Variants in CYP4X1 observed in about 807,000 individuals in gnomAD.
The protein encoded by CYP4X1 is cytochrome P450 4X1.
A neutral mutation model predicts 57.9 loss-of-function variants in CYP4X1; 44 were observed. The ratio of observed to expected loss-of-function variants is 0.76; its 90% CI spans 0.60 to 0.98. The LOEUF (loss-of-function observed/expected upper bound fraction) is 0.98, where lower values mean the gene tolerates loss of function less well. Ranked by LOEUF, CYP4X1 falls within the 50% of genes least tolerant of loss-of-function variation. The pLI is 0.00. For synonymous variants in CYP4X1, 227 were observed against 228.6 expected, an observed-to-expected ratio of 0.99 and a Z score of 0.06; for missense variants, 532 against 623.9, an observed-to-expected ratio of 0.85 and a Z score of 1.57.
downstream of CYP4X1, among the ~76,000 whole-genome samples, chr1:47,051,435 A>G (rs187777288): frequency 5.1e-4 from 78 of 151,774 alleles, no homozygotes; most frequent in African/African-American, 1.9e-3. Flanking sequence ...TCTATGTGGT[A>G]TCTTCCATAA....
the CYP4X1 span, among the ~76,000 whole-genome samples, chr1:46,964,664 C>A: frequency 6.6e-6 from 1 of 152,182 alleles, no homozygotes; most frequent in Non-Finnish European, 1.5e-5. Flanking sequence ...GGGGTGCCTC[C>A]CAGTTAGGCT....
At chr1:47,028,799 G>C (rs181408775) in intron 1 of CYP4X1, among the ~76,000 whole-genome samples, 13 of 152,182 alleles carry the variant, frequency 8.5e-5, no homozygotes. Context: ...CTACCACCTG[G>C]TACGTGTGAT....
the CYP4X1 span, among the ~76,000 whole-genome samples, chr1:46,962,192 C>A: frequency 1.3e-5 from 2 of 152,124 alleles, no homozygotes; most frequent in Non-Finnish European, 2.9e-5. Context: ...TGATAGCTCA[C>A]TGCAGCCTCC....
the CYP4X1 span, among the ~76,000 whole-genome samples, chr1:46,976,234 A>T: frequency 6.6e-6 from 1 of 152,180 alleles, no homozygotes; most frequent in Non-Finnish European, 1.5e-5. Flanking sequence ...AAATTGGGAC[A>T]CTGCCACCTA....
the CYP4X1 span, among the ~76,000 whole-genome samples, chr1:46,981,069 C>G: frequency 2.0e-5 from 3 of 152,120 alleles, no homozygotes; most frequent in East Asian, 5.8e-4. Context: ...AACATAGGCA[C>G]GGGTAAGGAC....
At chr1:47,032,488 A>G (rs1644135289) in intron 3 of CYP4X1, among the ~76,000 whole-genome samples, 1 of 152,296 alleles carries the variant, frequency 6.6e-6, no homozygotes, top group African/African-American at 2.4e-5. Context: ...AATGGCCACC[A>G]TTGTATGAGT....
At chr1:47,013,760 T>A in the CYP4X1 span, among the ~76,000 whole-genome samples, 1 of 109,624 alleles carries the variant, frequency 9.1e-6, no homozygotes, top group Non-Finnish European at 2.0e-5. Flanking sequence ...CAATATACTC[T>A]TTTTTTTTTT....
the CYP4X1 span, among the ~76,000 whole-genome samples, chr1:46,980,713 T>C: frequency 6.6e-6 from 1 of 152,204 alleles, no homozygotes; most frequent in Non-Finnish European, 1.5e-5. Flanking sequence ...GACATCATAC[T>C]ACCTGACTTC....
chr1:46,990,898 T>TG, the CYP4X1 span, among the ~76,000 whole-genome samples: 1 of 151,062 alleles, frequency 6.6e-6, no homozygotes, highest in Non-Finnish European at 1.5e-5. Context: ...TGGGGCCTGT[T>TG]GGGGGCGGGG....
the CYP4X1 span, among the ~76,000 whole-genome samples, chr1:47,004,895 G>A: frequency 6.6e-6 from 1 of 152,090 alleles, no homozygotes; most frequent in Non-Finnish European, 1.5e-5. Context: ...ACTGGCTAAG[G>A]ACAAAAGAAA....
At chr1:46,990,420 A>G in the CYP4X1 span, among the ~76,000 whole-genome samples, 1 of 152,198 alleles carries the variant, frequency 6.6e-6, no homozygotes, top group South Asian at 2.1e-4. Flanking sequence ...GAGACGATGC[A>G]GAGAAATAGG....
chr1:46,994,265 G>A, the CYP4X1 span: 4 of 152,046 alleles, frequency 2.6e-5, no homozygotes, highest in Non-Finnish European at 5.9e-5. Flanking sequence ...ATTTCTGAGG[G>A]CTCTATTCTG....
the CYP4X1 span, among the ~76,000 whole-genome samples, chr1:47,015,477 A>T: frequency 6.6e-6 from 1 of 152,232 alleles, no homozygotes; most frequent in South Asian, 2.1e-4. Context: ...GTTATCCAGC[A>T]TTAGAGATAC....
At chr1:47,035,162 A>G (rs1195448848) in intron 4 of CYP4X1, among the ~76,000 whole-genome samples, 2 of 151,786 alleles carry the variant, frequency 1.3e-5, no homozygotes, top group African/African-American at 4.8e-5. Flanking sequence ...ATTTTTACAC[A>G]AAGTATGCTT....
intron 2 of CYP4X1, 104 bp from the exon 3 acceptor site, chr1:47,031,332 C>T (rs955375149): frequency 1.0e-5 from 14 of 1,371,156 alleles, no homozygotes; most frequent in Non-Finnish European, 1.4e-5. Flanking sequence ...CTTTTTCTCA[C>T]TTTTTGTGGT....
chr1:46,987,170 A>G, the CYP4X1 span, among the ~76,000 whole-genome samples: 3 of 152,188 alleles, frequency 2.0e-5, no homozygotes, highest in Admixed American at 6.5e-5. Context: ...CAAAATAAAT[A>G]AAGGGATGGA....
downstream of CYP4X1, among the ~76,000 whole-genome samples, chr1:47,054,153 C>A (rs1250061129): frequency 6.6e-6 from 1 of 151,348 alleles, no homozygotes; most frequent in Non-Finnish European, 1.5e-5. Flanking sequence ...CCAGTTTTCC[C>A]AGCACCGTTT....
rs1297686881 is a variant in CYP4X1, at chr1:47,046,449, C to T, written c.1074-18C>T. On this transcript the variant is annotated intron_variant, in intron 8 of 11. Coordinates refer to ENST00000371901, the MANE Select transcript of CYP4X1 (RefSeq NM_178033.2). ...CTGGTTATGATATCTGAGTCCCTTCCCTCCCTCATCCTCACAGGGACCAGC... is the reference window on the plus strand; with the variant it reads ...CTGGTTATGATATCTGAGTCCCTTCTCTCCCTCATCCTCACAGGGACCAGC... The T allele has an allele frequency of 1.2e-6, 2 of 1,613,096 alleles. No homozygotes were observed. The highest frequency in any genetic ancestry group is 1.3e-5 in the African/African-American group (1 of 74,854).
the CYP4X1 span, among the ~76,000 whole-genome samples, chr1:46,995,490 G>T: frequency 6.6e-6 from 1 of 151,844 alleles, no homozygotes; most frequent in Admixed American, 6.6e-5. Context: ...GAGGAGCAAG[G>T]GATGGGACAT....
Sources: gnomAD v4.1 joint callset for allele counts (sites outside exome capture counted in the v4.1 genomes callset) on GRCh38, gnomAD v4.1.1 for gene constraint, MANE v1.5 for transcripts, NCBI Gene and HGNC (gene_info 2026-07-23, HGNC 2026-07-21) for gene names.